SLC4A5: variants seen among roughly 807,000 people sequenced by gnomAD.
SLC4A5 encodes solute carrier family 4 member 5.
SLC4A5 carries 96 observed loss-of-function variants against 120.4 expected under a neutral mutation model. The ratio of observed to expected loss-of-function variants is 0.80; its 90% CI spans 0.68 to 0.94. The LOEUF (loss-of-function observed/expected upper bound fraction) is 0.94, where lower values mean the gene tolerates loss of function less well. Among genes scored for constraint, SLC4A5 ranks in the 40% least tolerant of loss-of-function variants. The pLI, the probability that SLC4A5 is intolerant of heterozygous loss-of-function variation, is 0.00. For missense variants in SLC4A5, 1,259 were observed against 1,459.5 expected (o/e 0.86, Z 2.24); for synonymous variants, 550 against 571.1 (o/e 0.96, Z 0.53).
chr2:74,226,610 A>G (rs1251663042), intron 27 of SLC4A5, among the ~76,000 whole-genome samples: 1 of 152,136 alleles, frequency 6.6e-6, no homozygotes, highest in Admixed American at 6.5e-5. Context: ...TTTAGTACGC[A>G]TCGACTTCTG....
chr2:74,321,174 T>C (rs1673088566), intron 5 of SLC4A5, among the ~76,000 whole-genome samples: 1 of 152,188 alleles, frequency 6.6e-6, no homozygotes, highest in African/African-American at 2.4e-5. Context: ...AAAACACCTG[T>C]GGAGGATGCT....
chr2:74,336,843 T>TA (rs1464598439), intron 3 of SLC4A5, among the ~76,000 whole-genome samples: 1 of 152,226 alleles, frequency 6.6e-6, no homozygotes, highest in Non-Finnish European at 1.5e-5. Context: ...ATACTCCCCT[T>TA]ACCTCTCTCC....
At chr2:74,301,700 G>T (rs1573078929) in intron 7 of SLC4A5, among the ~76,000 whole-genome samples, 1 of 152,332 alleles carries the variant, frequency 6.6e-6, no homozygotes, top group East Asian at 1.9e-4. Context: ...CAAGAGCAAG[G>T]TTTATATCTG....
At chr2:74,264,632 C>A (rs1671244751) in intron 9 of SLC4A5, among the ~76,000 whole-genome samples, 1 of 152,020 alleles carries the variant, frequency 6.6e-6, no homozygotes, top group Non-Finnish European at 1.5e-5. Flanking sequence ...AAAATGAACT[C>A]TTTTTAGAAA....
chr2:74,325,510 A>T (rs2104326493), intron 5 of SLC4A5, among the ~76,000 whole-genome samples: 1 of 152,310 alleles, frequency 6.6e-6, no homozygotes, highest in African/African-American at 2.4e-5. Context: ...TCTGAAGCTG[A>T]GTGTTGGCCC....
chr2:74,221,185 A>C (rs1242379688), intron 30 of SLC4A5, among the ~76,000 whole-genome samples: 1 of 152,196 alleles, frequency 6.6e-6, no homozygotes, highest in Non-Finnish European at 1.5e-5. Context: ...ATCTTTTATA[A>C]GAATTTCCTT....
At chr2:74,264,866 C>G (rs750031199) in intron 9 of SLC4A5, among the ~76,000 whole-genome samples, 6 of 152,210 alleles carry the variant, frequency 3.9e-5, no homozygotes, top group Admixed American at 6.5e-5. Context: ...CCTTTTACCA[C>G]ATTTCTGGAT....
intron 20 of SLC4A5, among the ~76,000 whole-genome samples, chr2:74,240,051 A>G (rs889674096): frequency 1.2e-4 from 18 of 148,526 alleles, no homozygotes; most frequent in Non-Finnish European, 2.2e-4. Flanking sequence ...TTATATATAT[A>G]TATATATAAA....
intron 7 of SLC4A5, among the ~76,000 whole-genome samples, chr2:74,295,670 AG>A (rs1304658418): frequency 2.6e-5 from 4 of 152,124 alleles, no homozygotes; most frequent in African/African-American, 9.7e-5. Context: ...AAAAAGAAAA[AG>A]AAAAAATTGA....
intron 5 of SLC4A5, among the ~76,000 whole-genome samples, chr2:74,325,104 T>A (rs544921989): frequency 1.3e-5 from 2 of 152,314 alleles, no homozygotes; most frequent in East Asian, 3.9e-4. Flanking sequence ...TTCTCATGTT[T>A]GCAATCACAA....
chr2:74,234,163 TTTTCTTTC>T (rs556544548), intron 22 of SLC4A5, among the ~76,000 whole-genome samples: 1 of 151,728 alleles, frequency 6.6e-6, no homozygotes, highest in East Asian at 1.9e-4. Context: ...GCTCTTTTTT[TTTTCTTTC>T]TTTCTTTCTT....
At chr2:74,297,205 T>C (rs994269270) in intron 7 of SLC4A5, among the ~76,000 whole-genome samples, 3 of 152,204 alleles carry the variant, frequency 2.0e-5, no homozygotes, top group Non-Finnish European at 4.4e-5. Context: ...GATTTGGGCG[T>C]GGTGCTCTTA....
chr2:74,257,943 G>A (rs148007998), intron 12 of SLC4A5, among the ~76,000 whole-genome samples: 5 of 152,296 alleles, frequency 3.3e-5, no homozygotes, highest in East Asian at 3.9e-4. Context: ...TTCCTTACAC[G>A]TTGTGACATG....
chr2:74,323,596 T>C (rs1291168199), intron 5 of SLC4A5, among the ~76,000 whole-genome samples: 1 of 152,080 alleles, frequency 6.6e-6, no homozygotes, highest in African/African-American at 2.4e-5. Context: ...AAATGAAATG[T>C]AAAAGATTTG....
At chr2:74,232,584 T>G (rs1488814574) in exon 24 of SLC4A5, 1 of 1,613,794 alleles carries the variant, frequency 6.2e-7, no homozygotes, top group Admixed American at 1.7e-5. Flanking sequence ...GGGAGCCCCA[T>G]AAAGGAGCAC....
exon 29 of SLC4A5, chr2:74,222,931 C>A: frequency 6.2e-7 from 1 of 1,612,360 alleles, no homozygotes. Context: ...ATCTTTATAA[C>A]CGAGGGAGGA....
intron 5 of SLC4A5, among the ~76,000 whole-genome samples, chr2:74,316,993 G>T (rs549119738): frequency 8.5e-5 from 13 of 152,306 alleles, no homozygotes; most frequent in African/African-American, 3.1e-4. Context: ...GTGAACATGG[G>T]CATGCGTAAT....
At position 74,255,413 on chromosome 2, in the gene SLC4A5, C is replaced by T. The variant is rs1409592259; in HGVS notation, c.1025+362G>A. ...GTTCAAGTGATTCTCCTGCCTCAGC[C>T]TCCCGAGGAGCTGGGATTACAGGCG... On this transcript the variant is annotated intron_variant, in intron 13 of 30. Coordinates refer to ENST00000394019, the Ensembl canonical transcript of SLC4A5. This position sits in a 1 kb window ranked among gnomAD's most constrained non-coding sequence, Gnocchi z 4.0. 6.6e-6 allele frequency among the ~76,000 whole-genome samples: 1 copy of T among 152,192 alleles called. No homozygotes were observed. Among genetic ancestry groups the T allele is most frequent in the Non-Finnish European group, 1.5e-5 (1 of 68,024 alleles).
intron 6 of SLC4A5, 129 bp from the exon 7 acceptor site, chr2:74,304,809 G>GACC: frequency 1.1e-6 from 1 of 880,000 alleles, no homozygotes; most frequent in Non-Finnish European, 1.7e-6. Flanking sequence ...CCAGGATGGG[G>GACC]TCATTGCCCT....
Sources: gnomAD v4.1 joint callset for allele counts (sites outside exome capture counted in the v4.1 genomes callset) on GRCh38, gnomAD v4.1.1 for gene constraint, Gnocchi (gnomAD v3.1) non-coding constraint, MANE v1.5 for transcripts, NCBI Gene and HGNC (gene_info 2026-07-23, HGNC 2026-07-21) for gene names.